The following FBN2 variants were observed in gnomAD, a reference collection of about 807,000 sequenced individuals.
The protein encoded by FBN2 is fibrillin-2.
Under a neutral mutation model 355.6 loss-of-function variants are expected in FBN2, and 105 were observed. The observed-to-expected ratio is 0.30, with a 90% CI of 0.25 to 0.35. The LOEUF (loss-of-function observed/expected upper bound fraction) is 0.35, where lower values mean the gene tolerates loss of function less well. FBN2 is among the 10% of genes least tolerant of loss of function. The pLI is 1.00. For missense variants in FBN2, 3,280 were observed against 3,758.7 expected, an observed-to-expected ratio of 0.87 and a Z score of 3.33; for synonymous variants, 1,350 against 1,301.2, an observed-to-expected ratio of 1.04 and a Z score of -0.81.
chr5:128,508,463 T>C (rs534309945), intron 5 of FBN2, among the ~76,000 whole-genome samples: 2 of 151,984 alleles, frequency 1.3e-5, no homozygotes, highest in Non-Finnish European at 2.9e-5. Context: ...CTTTAACTTA[T>C]CAATGTCTAT....
At chr5:128,339,379 A>G (rs762092468) in intron 25 of FBN2, among the ~76,000 whole-genome samples, 1 of 152,122 alleles carries the variant, frequency 6.6e-6, no homozygotes, top group Non-Finnish European at 1.5e-5. Context: ...GCACTTGGGG[A>G]AGCCCAGGCA....
At chr5:128,280,991 G>A (rs564031940) in intron 55 of FBN2, among the ~76,000 whole-genome samples, 35 of 151,930 alleles carry the variant, frequency 2.3e-4, no homozygotes, top group Admixed American at 2.3e-3. Flanking sequence ...ATAAGAGAGC[G>A]CATGACAATT....
intron 39 of FBN2, among the ~76,000 whole-genome samples, chr5:128,310,384 ATATATATATATATATATATTTTTTTTTT>A (rs1750007093): frequency 2.2e-4 from 3 of 13,412 alleles, no homozygotes; most frequent in African/African-American, 3.3e-4. Context: ...ATATATATAT[ATATATATATATATATATATTTTTTTTTT>A]TTTTTTTTTA....
chr5:128,329,513 GT>G (rs1199643821), intron 33 of FBN2, among the ~76,000 whole-genome samples: 3 of 152,164 alleles, frequency 2.0e-5, no homozygotes, highest in Non-Finnish European at 4.4e-5. Flanking sequence ...GGAAGAACCT[GT>G]GGCTAAGAGC....
At chr5:128,351,906 T>C (rs1751378899) in intron 20 of FBN2, among the ~76,000 whole-genome samples, 1 of 151,922 alleles carries the variant, frequency 6.6e-6, no homozygotes, top group South Asian at 2.1e-4. Flanking sequence ...AACAACATGA[T>C]AAGACCATCA....
At chr5:128,464,226 A>C (rs1162666650) in intron 6 of FBN2, among the ~76,000 whole-genome samples, 1 of 152,194 alleles carries the variant, frequency 6.6e-6, no homozygotes, top group African/African-American at 2.4e-5. Flanking sequence ...AACCCAGGTT[A>C]CAAAGTCTGT....
chr5:128,428,917 GATA>G (rs1753549548), intron 7 of FBN2, among the ~76,000 whole-genome samples: 3 of 152,100 alleles, frequency 2.0e-5, no homozygotes, highest in African/African-American at 7.2e-5. Context: ...TGATTCTAGG[GATA>G]ATAACTCCTC....
In FBN2 at chr5:128,430,851, AAAATAAATAAATAAATAAAT is replaced by A. The variant is rs140579051; in HGVS notation, c.952+15610_952+15629del. 1.6e-4 allele frequency among the ~76,000 whole-genome samples: 23 copies of A among 147,872 alleles called. 1 individual carries two copies. Among genetic ancestry groups the A allele is most frequent in the African/African-American group, 3.5e-4 (14 of 40,214 alleles). ...GGCGACAGAGTGAAACCCTGTCTCA[AAAATAAATAAATAAATAAAT>A]AAATAAATAAATAAATAAATAAATA... On this transcript the variant is annotated intron_variant, in intron 7 of 64. Coordinates refer to ENST00000262464, the MANE Select transcript of FBN2 (RefSeq NM_001999.4).
intron 48 of FBN2, among the ~76,000 whole-genome samples, chr5:128,297,788 C>A: frequency 6.6e-6 from 1 of 152,128 alleles, no homozygotes; most frequent in Non-Finnish European, 1.5e-5. Flanking sequence ...GAGTCTTTAT[C>A]CAATTTGCCA....
At chr5:128,444,886 G>T (rs192555744) in intron 7 of FBN2, among the ~76,000 whole-genome samples, 1 of 152,142 alleles carries the variant, frequency 6.6e-6, no homozygotes, top group African/African-American at 2.4e-5. Context: ...ATCAAACTTT[G>T]TTCCCAAGTA....
Position 128,372,501 on chromosome 5 carries a change from AT to A in FBN2, c.2095+2126del, listed in dbSNP as rs200920392. Among the ~76,000 whole-genome samples the A allele has an allele frequency of 8.2e-3, 1,252 of 151,792 alleles. 19 individuals carry two copies. Among genetic ancestry groups the A allele is most frequent in the African/African-American group, 0.029 (1,181 of 41,434 alleles). On this transcript the variant is annotated intron_variant, in intron 15 of 64. Coordinates refer to ENST00000262464, the MANE Select transcript of FBN2 (RefSeq NM_001999.4). The stretch of plus-strand genomic sequence containing the variant: ...TAACAGTGATTCATTTATTTTTTCT[AT>A]TTTTTTTGAGACAGGGTCTCACTCT...
intron 5 of FBN2, among the ~76,000 whole-genome samples, chr5:128,483,169 G>C (rs917450086): frequency 1.3e-5 from 2 of 152,080 alleles, no homozygotes; most frequent in Non-Finnish European, 2.9e-5. Context: ...AGATGAGGGA[G>C]GAAGGGAAGA....
At chr5:128,359,852 T>C (rs1751592672) in intron 19 of FBN2, among the ~76,000 whole-genome samples, 1 of 128,018 alleles carries the variant, frequency 7.8e-6, no homozygotes, top group Non-Finnish European at 1.7e-5. Context: ...TCTTTGGTAT[T>C]TCAACTCTCA....
Position 128,376,994 on chromosome 5 carries a change from C to T in FBN2, c.1850-141G>A, listed in dbSNP as rs1508866. 0.013 allele frequency: 12,614 copies of T among 993,856 alleles called. 581 individuals are homozygous for T. In the Admixed American group the frequency reaches 0.13, roughly 10 times the overall value. The allele number at this position is 993,856 out of a possible 1,614,324, so 61.6% of individuals were successfully genotyped here. Reference sequence around the variant, plus strand: ...CTTTTAGTTTTTTTTAAAAAAAGAACGCCAACTGAATGAGAAAAAATAGTG... The same window carrying T: ...CTTTTAGTTTTTTTTAAAAAAAGAATGCCAACTGAATGAGAAAAAATAGTG... On this transcript the variant is annotated intron_variant, in intron 13 of 64. Transcript: ENST00000262464.
At chr5:128,400,913 G>A (rs1752783342) in intron 8 of FBN2, among the ~76,000 whole-genome samples, 1 of 152,068 alleles carries the variant, frequency 6.6e-6, no homozygotes, top group African/African-American at 2.4e-5. Flanking sequence ...TGAATAATGG[G>A]GGCCGGTCTT....
rs6887815 is a variant in FBN2, at chr5:128,360,839, A to T, written c.2554+884T>A. 2.8e-3 allele frequency among the ~76,000 whole-genome samples: 417 copies of T among 150,966 alleles called. 3 individuals carry two copies. The highest frequency in any genetic ancestry group is 8.5e-3 in the African/African-American group (349 of 41,234). ...AAAAAAACCAAATACTTTAACAGAT[A>T]AAAAAAAAGGGCTATTCCACAGTCA... On this transcript the variant is annotated intron_variant, in intron 19 of 64. Transcript: ENST00000262464.
chr5:128,317,806 G>T (rs1400546871), intron 36 of FBN2, among the ~76,000 whole-genome samples: 1 of 152,102 alleles, frequency 6.6e-6, no homozygotes, highest in Non-Finnish European at 1.5e-5. Flanking sequence ...CTTCCAGTAG[G>T]CAGGAGAAAT....
intron 5 of FBN2, among the ~76,000 whole-genome samples, chr5:128,514,723 C>G (rs538718950): frequency 6.6e-6 from 1 of 152,088 alleles, no homozygotes; most frequent in Non-Finnish European, 1.5e-5. Flanking sequence ...GTGCAGTGTA[C>G]GTTATAGTCT....
Position 128,304,952 on chromosome 5 carries a change from C to T in FBN2, c.5800+5G>A, listed in dbSNP as rs375487064. On this transcript the variant is annotated splice_donor_5th_base_variant and intron_variant, in intron 45 of 64. Transcript: ENST00000262464. ...TCACTCCCTGGAGCCACATGCCCTT[C>T]TTACCCATGCACATGGTCTGGTCCT... is the stretch of plus-strand genomic sequence containing the variant. The T allele has an allele frequency of 1.2e-4, 194 of 1,613,866 alleles. No individual in the cohort carries two copies. Among genetic ancestry groups the T allele is most frequent in the Non-Finnish European group, 1.6e-4 (185 of 1,179,950 alleles).
Sources: allele counts gnomAD v4.1 joint callset (sites outside exome capture counted in the v4.1 genomes callset), GRCh38; gene constraint gnomAD v4.1.1; transcripts MANE v1.5; gene names NCBI Gene and HGNC (gene_info 2026-07-23, HGNC 2026-07-21).